PTPRJ: variants seen among roughly 807,000 people sequenced by gnomAD.
The protein encoded by PTPRJ is protein tyrosine phosphatase receptor type J.
A neutral mutation model predicts 141.3 loss-of-function variants in PTPRJ; 129 were observed. The observed-to-expected ratio is 0.91, with a 90% CI of 0.79 to 1.06. PTPRJ has a LOEUF of 1.06. Ranked by LOEUF, PTPRJ falls within the 50% of genes least tolerant of loss-of-function variation. The probability of loss-of-function intolerance (pLI) is 0.00; values close to 1 mark genes in which losing one functional copy is unlikely to be tolerated. For missense variants in PTPRJ, 1,601 were observed against 1,679.7 expected (o/e 0.95, Z 0.82); for synonymous variants, 610 against 640.5 (o/e 0.95, Z 0.72).
chr11:48,070,136 A>G (rs1194085511), intron 1 of PTPRJ, among the ~76,000 whole-genome samples: 1 of 152,208 alleles, frequency 6.6e-6, no homozygotes, highest in Non-Finnish European at 1.5e-5. Flanking sequence ...CCAATAAAAT[A>G]TGGTATTTAG....
intron 4 of PTPRJ, among the ~76,000 whole-genome samples, chr11:48,122,738 CTT>C (rs1856735404): frequency 6.6e-6 from 1 of 152,206 alleles, no homozygotes; most frequent in African/African-American, 2.4e-5. Flanking sequence ...ATTTAGAACT[CTT>C]TGCATGAGAG....
At chr11:48,150,265 C>A in intron 18 of PTPRJ, 82 bp downstream of exon 18, 2 of 1,188,740 alleles carry the variant, frequency 1.7e-6, no homozygotes, top group Non-Finnish European at 1.2e-6. Flanking sequence ...GGATGGGTGG[C>A]AGGTAGCTGA....
intron 3 of PTPRJ, among the ~76,000 whole-genome samples, chr11:48,118,844 C>T (rs2134336009): frequency 6.6e-6 from 1 of 152,126 alleles, no homozygotes; most frequent in East Asian, 1.9e-4. Context: ...GTTCTTAACA[C>T]ATTTCTCCTT....
chr11:48,018,859 C>T (rs886851599), intron 1 of PTPRJ, among the ~76,000 whole-genome samples: 5 of 152,226 alleles, frequency 3.3e-5, no homozygotes, highest in African/African-American at 1.2e-4. Context: ...AAGCTGACAG[C>T]TGCCCAGGGA....
chr11:48,155,725 T>A lies in PTPRJ; in HGVS notation c.3230-76T>A, dbSNP rs188063132. On this transcript the variant is annotated intron_variant, in intron 19 of 24. Coordinates refer to ENST00000418331, the MANE Select transcript of PTPRJ (RefSeq NM_002843.4). ...CCAGTTTTGCCATTTTGAATTTCAT[T>A]TTTTTTTCTGTTTTGTGTCCAACTT... The A allele has an allele frequency of 3.3e-5, 43 of 1,305,688 alleles. No individual in the cohort carries two copies. In the African/African-American group the frequency reaches 5.9e-4, roughly 18 times the overall value. 80.9% of individuals were successfully genotyped at this position (1,305,688 alleles called of 1,614,324 possible). A position where few individuals can be genotyped will look rare whatever the true frequency, so the allele number is the denominator to read the frequency against.
At chr11:48,044,196 G>T (rs1179928636) in intron 1 of PTPRJ, among the ~76,000 whole-genome samples, 3 of 152,176 alleles carry the variant, frequency 2.0e-5, no homozygotes, top group Non-Finnish European at 4.4e-5. Flanking sequence ...TCTCCTTTTG[G>T]GTTTTTCACT....
intron 1 of PTPRJ, among the ~76,000 whole-genome samples, chr11:48,002,351 TG>T (rs1419015516): frequency 2.6e-5 from 4 of 152,056 alleles, no homozygotes; most frequent in African/African-American, 9.7e-5. Context: ...TTGGCCAGGA[TG>T]GTCTGGAACT....
At chr11:48,039,828 A>G (rs979649714) in intron 1 of PTPRJ, among the ~76,000 whole-genome samples, 2 of 150,530 alleles carry the variant, frequency 1.3e-5, no homozygotes, top group African/African-American at 4.9e-5. Context: ...TGCTATTGTC[A>G]TCCAGGCTGG....
At position 48,130,512 on chromosome 11, in the gene PTPRJ, G is replaced by T; in HGVS notation, c.1411G>T (p.Gly471Cys). 6.2e-7 allele frequency: 1 copy of T among 1,613,690 alleles called. No homozygotes were observed. Among genetic ancestry groups the T allele is most frequent in the African/African-American group, 1.3e-5 (1 of 74,964 alleles). Residue 471 changes from glycine to cysteine, a missense_variant, in exon 8 of 25, where the codon GGC (glycine) becomes TGC (cysteine). By Grantham distance (159) the Gly-to-Cys change is radical. Coordinates refer to ENST00000418331, the MANE Select transcript of PTPRJ (RefSeq NM_002843.4). ...RVTVVSTTEI[G>C]LAWSSHDAES... is the part of the protein sequence containing the mutation. Reference sequence around the variant, plus strand: ...GACAGTGGTCAGCACGACGGAGATCGGCTTAGCATGGAGCAGCCATGATGC... The same window carrying T: ...GACAGTGGTCAGCACGACGGAGATCTGCTTAGCATGGAGCAGCCATGATGC...
At chr11:48,140,506 C>G (rs952583724) in intron 11 of PTPRJ, among the ~76,000 whole-genome samples, 2 of 152,162 alleles carry the variant, frequency 1.3e-5, no homozygotes, top group Admixed American at 1.3e-4. Context: ...CAGCAAGGAC[C>G]TGGGGATGGA....
At chr11:48,063,851 T>G (rs540465603) in intron 1 of PTPRJ, among the ~76,000 whole-genome samples, 5 of 152,190 alleles carry the variant, frequency 3.3e-5, no homozygotes, top group Non-Finnish European at 5.9e-5. Context: ...TCTGTTTATT[T>G]TATCCAAAGG....
At position 48,130,725 on chromosome 11, in the gene PTPRJ, A is replaced by G. The variant is rs544170125; in HGVS notation, c.1615+9A>G. On this transcript the variant is annotated intron_variant, in intron 8 of 24. Coordinates refer to ENST00000418331, the MANE Select transcript of PTPRJ (RefSeq NM_002843.4). Reference sequence around the variant, plus strand: ...AGTTTGCAATAGAACTGGTAAGCAAATAGGCTTTTCTGTTAAACCATCATG... The same window carrying G: ...AGTTTGCAATAGAACTGGTAAGCAAGTAGGCTTTTCTGTTAAACCATCATG... 2.5e-6 allele frequency: 4 copies of G among 1,591,342 alleles called. No individual in the cohort carries two copies. The African/African-American group carries it at 4.0e-5, about 16-fold the overall frequency.
intron 1 of PTPRJ, among the ~76,000 whole-genome samples, chr11:48,045,267 T>C (rs1478852146): frequency 6.6e-6 from 1 of 152,178 alleles, no homozygotes; most frequent in Non-Finnish European, 1.5e-5. Context: ...GGGAACCACC[T>C]GGTGTCCCCA....
At chr11:48,025,916 T>G (rs1009163681) in intron 1 of PTPRJ, among the ~76,000 whole-genome samples, 4 of 152,188 alleles carry the variant, frequency 2.6e-5, no homozygotes, top group Non-Finnish European at 4.4e-5. Flanking sequence ...TCTGATTTGC[T>G]CATGCTGCTC....
In PTPRJ at chr11:48,059,110, C is replaced by CT. The variant is rs917350262; in HGVS notation, c.97-50922dup. On this transcript the variant is annotated intron_variant, in intron 1 of 24. Transcript: ENST00000418331. Reference sequence around the variant, plus strand: ...CTGATCGCTCCCTACTGTGCTGTGCCTTTTTTTTTTTTTTTTTTTTTTTTT... The same window carrying CT: ...CTGATCGCTCCCTACTGTGCTGTGCCTTTTTTTTTTTTTTTTTTTTTTTTTT... Among the ~76,000 whole-genome samples the CT allele has an allele frequency of 5.3e-3, 544 of 102,142 alleles. 65 individuals are homozygous for CT. Among genetic ancestry groups the CT allele is most frequent in the Admixed American group, 0.013 (116 of 9,164 alleles). The allele number at this position is 102,142 out of a possible 152,430, so 67.0% of individuals were successfully genotyped here.
In PTPRJ at chr11:48,155,813, G is replaced by A. The variant is rs770328927; in HGVS notation, c.3242G>A (p.Arg1081His). The A allele has an allele frequency of 1.1e-5, 17 of 1,598,972 alleles. No homozygotes were observed. The highest frequency in any genetic ancestry group is 3.3e-5 in the South Asian group (3 of 89,904). Residue 1081 changes from arginine to histidine, a missense_variant, in exon 20 of 25, where the codon CGT becomes CAT. Arg to His is a conservative substitution (Grantham distance 29). Coordinates refer to ENST00000418331, the MANE Select transcript of PTPRJ (RefSeq NM_002843.4). ...TTTAATGTCACAGATGATATTTCCCGTGTCAAACTTTCGGTCCAGACCCAT... is the reference window on the plus strand; with the variant it reads ...TTTAATGTCACAGATGATATTTCCCATGTCAAACTTTCGGTCCAGACCCAT... ...YNNVLPYDIS[R>H]VKLSVQTHST...
chr11:48,095,451 AGAGG>A (rs1465587950), intron 1 of PTPRJ, among the ~76,000 whole-genome samples: 4 of 152,150 alleles, frequency 2.6e-5, no homozygotes, highest in Admixed American at 6.5e-5. Context: ...TGTGTGTTTG[AGAGG>A]GAGAGAGAGA....
At chr11:48,135,044 A>T (rs1321653775) in intron 8 of PTPRJ, among the ~76,000 whole-genome samples, 1 of 152,160 alleles carries the variant, frequency 6.6e-6, no homozygotes, top group Admixed American at 6.5e-5. Context: ...TATAATATAC[A>T]TACCGAAAAG....
chr11:48,120,946 C>G, intron 3 of PTPRJ, 57 bp from the exon 4 acceptor site: 2 of 1,440,068 alleles, frequency 1.4e-6, no homozygotes, highest in Admixed American at 4.7e-5. Context: ...GAGCAGACCT[C>G]ACTCTTACAT....
Sources: gnomAD v4.1 joint callset for allele counts (sites outside exome capture counted in the v4.1 genomes callset) on GRCh38, gnomAD v4.1.1 for gene constraint, MANE v1.5 for transcripts, NCBI Gene and HGNC (gene_info 2026-07-23, HGNC 2026-07-21) for gene names.